The following KIAA1958 variants were observed in gnomAD, a reference collection of about 807,000 sequenced individuals.
The protein encoded by KIAA1958 is uncharacterized protein KIAA1958.
Under a neutral mutation model 47.2 loss-of-function variants are expected in KIAA1958, and 14 were observed. That is an observed-to-expected ratio of 0.30 (90% CI 0.20 to 0.46). KIAA1958 has a LOEUF of 0.46. Among genes scored for constraint, KIAA1958 ranks in the 20% least tolerant of loss-of-function variants. KIAA1958 has a pLI of 1.00. For synonymous variants in KIAA1958, 354 were observed against 353.3 expected, an observed-to-expected ratio of 1.00 and a Z score of -0.02; for missense variants, 803 against 909.2, an observed-to-expected ratio of 0.88 and a Z score of 1.50.
At chr9:112,558,690 C>T (rs1026696418) in intron 1 of KIAA1958, among the ~76,000 whole-genome samples, 1 of 152,164 alleles carries the variant, frequency 6.6e-6, no homozygotes. Flanking sequence ...CACCATCTCT[C>T]ATCTGGAACA....
At chr9:112,628,240 A>G (rs1836652072) in intron 2 of KIAA1958, among the ~76,000 whole-genome samples, 1 of 152,178 alleles carries the variant, frequency 6.6e-6, no homozygotes, top group Non-Finnish European at 1.5e-5. Context: ...CCTGAACTTT[A>G]TAGAAACTTG....
At chr9:112,576,119 C>A (rs1428835330) in intron 2 of KIAA1958, among the ~76,000 whole-genome samples, 1 of 152,088 alleles carries the variant, frequency 6.6e-6, no homozygotes, top group Non-Finnish European at 1.5e-5. Context: ...TCCTAGAAAC[C>A]TGAGGCCCCT....
chr9:112,638,976 A>G (rs1836853272), intron 2 of KIAA1958, among the ~76,000 whole-genome samples: 1 of 152,202 alleles, frequency 6.6e-6, no homozygotes, highest in Non-Finnish European at 1.5e-5. Flanking sequence ...TTGCAAGTGT[A>G]TTACAGAGAA....
chr9:112,500,476 G>C (rs906639816), intron 1 of KIAA1958, among the ~76,000 whole-genome samples: 1 of 147,706 alleles, frequency 6.8e-6, no homozygotes. Flanking sequence ...TTTTTTTAGA[G>C]ATAAGGTGTC....
chr9:112,653,332 G>A (rs369877729), intron 3 of KIAA1958, among the ~76,000 whole-genome samples: 2 of 152,198 alleles, frequency 1.3e-5, no homozygotes, highest in South Asian at 4.1e-4. Context: ...TCAGGTTACA[G>A]AAATAGGGTG....
Position 112,524,720 on chromosome 9 carries a change from G to A in KIAA1958, c.-25+37602G>A, listed in dbSNP as rs532700939. Among the ~76,000 whole-genome samples, 6 of 152,280 alleles carry A rather than the reference G, an allele frequency of 3.9e-5. No homozygotes were observed. In the East Asian group the frequency reaches 7.7e-4, roughly 20 times the overall value. On this transcript the variant is annotated intron_variant, in intron 1 of 3. Transcript: ENST00000337530. ...TCTTAAGCAGTTGGAATGTGGCTTCGTAAGGAACTGAATTTTTAATTATAT... is the reference window on the plus strand; with the variant it reads ...TCTTAAGCAGTTGGAATGTGGCTTCATAAGGAACTGAATTTTTAATTATAT...
At chr9:112,635,345 G>C (rs1836788010) in intron 2 of KIAA1958, among the ~76,000 whole-genome samples, 1 of 150,948 alleles carries the variant, frequency 6.6e-6, no homozygotes, top group Non-Finnish European at 1.5e-5. Context: ...CTGCCTCCCA[G>C]GCTTAAGCCA....
At chr9:112,616,433 AT>A (rs1282972241) in intron 2 of KIAA1958, among the ~76,000 whole-genome samples, 1 of 152,238 alleles carries the variant, frequency 6.6e-6, no homozygotes, top group African/African-American at 2.4e-5. Flanking sequence ...TGTAAATAAA[AT>A]TCAGTTTATT....
chr9:112,601,545 TTCCATG>T (rs1334149634), intron 2 of KIAA1958, among the ~76,000 whole-genome samples: 1 of 152,182 alleles, frequency 6.6e-6, no homozygotes, highest in African/African-American at 2.4e-5. Flanking sequence ...CATAAGTTGA[TTCCATG>T]TTCTGAGGAT....
intron 1 of KIAA1958, among the ~76,000 whole-genome samples, chr9:112,551,435 G>A (rs551064643): frequency 1.2e-4 from 19 of 152,244 alleles, no homozygotes; most frequent in African/African-American, 4.6e-4. Context: ...CATGTTGTTA[G>A]CCAGTATCAG....
intron 2 of KIAA1958, among the ~76,000 whole-genome samples, chr9:112,601,079 C>T (rs1836122764): frequency 6.6e-6 from 1 of 152,158 alleles, no homozygotes; most frequent in Admixed American, 6.6e-5. Context: ...GCTATGCTAC[C>T]TGTGTCAGGT....
chr9:112,649,033 C>G (rs1289186376), intron 3 of KIAA1958, among the ~76,000 whole-genome samples: 1 of 151,898 alleles, frequency 6.6e-6, no homozygotes, highest in Non-Finnish European at 1.5e-5. Flanking sequence ...AATGAACTTA[C>G]AGATATAAAA....
At chr9:112,517,479 A>G (rs1587998142) in intron 1 of KIAA1958, among the ~76,000 whole-genome samples, 1 of 152,242 alleles carries the variant, frequency 6.6e-6, no homozygotes, top group Admixed American at 6.5e-5. Context: ...AAAACCTAAT[A>G]TTGTAAAATT....
At chr9:112,525,120 C>T (rs1401566300) in intron 1 of KIAA1958, among the ~76,000 whole-genome samples, 1 of 152,142 alleles carries the variant, frequency 6.6e-6, no homozygotes, top group African/African-American at 2.4e-5. Flanking sequence ...ATAGACTTGC[C>T]ATGTGTTTCA....
chr9:112,633,656 A>G (rs1836749329), intron 2 of KIAA1958, among the ~76,000 whole-genome samples: 1 of 152,088 alleles, frequency 6.6e-6, no homozygotes, highest in Non-Finnish European at 1.5e-5. Flanking sequence ...TAAGGTAATC[A>G]CTGACTTCAC....
chr9:112,570,154 A>T (rs1008665639), intron 1 of KIAA1958, among the ~76,000 whole-genome samples: 1 of 152,212 alleles, frequency 6.6e-6, no homozygotes, highest in African/African-American at 2.4e-5. Context: ...CAAATAACTA[A>T]TCAAGAATAG....
At chr9:112,525,063 GT>G (rs1834617392) in intron 1 of KIAA1958, among the ~76,000 whole-genome samples, 1 of 152,026 alleles carries the variant, frequency 6.6e-6, no homozygotes, top group African/African-American at 2.4e-5. Context: ...ATTTTCATTT[GT>G]ATCTAAACCA....
chr9:112,643,228 G>A (rs1041474237), intron 2 of KIAA1958, among the ~76,000 whole-genome samples: 2 of 152,174 alleles, frequency 1.3e-5, no homozygotes, highest in African/African-American at 4.8e-5. Flanking sequence ...TGGAGTCAGA[G>A]ACCCGGGTTC....
At chr9:112,635,608 T>C (rs1836792919) in intron 2 of KIAA1958, among the ~76,000 whole-genome samples, 1 of 152,226 alleles carries the variant, frequency 6.6e-6, no homozygotes, top group Non-Finnish European at 1.5e-5. Flanking sequence ...CCAGTTTTGG[T>C]GAGTTGTGGC....
Sources: gnomAD v4.1 joint callset for allele counts (sites outside exome capture counted in the v4.1 genomes callset) on GRCh38, gnomAD v4.1.1 for gene constraint, MANE v1.5 for transcripts, NCBI Gene and HGNC (gene_info 2026-07-23, HGNC 2026-07-21) for gene names.